The following STXBP6 variants were observed in gnomAD, a reference collection of about 807,000 sequenced individuals.
STXBP6 encodes syntaxin binding protein 6.
A neutral mutation model predicts 26.9 loss-of-function variants in STXBP6; 21 were observed. That is an observed-to-expected ratio of 0.78 (90% CI 0.55 to 1.12). The LOEUF (loss-of-function observed/expected upper bound fraction) is 1.12, where lower values mean the gene tolerates loss of function less well. STXBP6 is among the 50% of genes most tolerant of loss of function. The pLI is 0.00. For synonymous variants in STXBP6, 97 were observed against 92.6 expected (o/e 1.05, Z -0.27); for missense variants, 232 against 257.9 (o/e 0.90, Z 0.69).
intron 4 of STXBP6, among the ~76,000 whole-genome samples, chr14:24,824,480 G>A (rs2068227878): frequency 6.6e-6 from 1 of 152,178 alleles, no homozygotes. Flanking sequence ...CCTACCCGGT[G>A]ATAGAAGTTG....
chr14:24,845,063 A>G (rs1006560832), intron 4 of STXBP6, among the ~76,000 whole-genome samples: 5 of 151,794 alleles, frequency 3.3e-5, no homozygotes, highest in East Asian at 1.9e-4. Context: ...CCAGGCTGGA[A>G]TGCAGTGGCG....
chr14:24,844,970 T>C (rs903189128), intron 4 of STXBP6, among the ~76,000 whole-genome samples: 2 of 152,094 alleles, frequency 1.3e-5, no homozygotes, highest in African/African-American at 4.8e-5. Context: ...AAAAGAATGA[T>C]TTTTAACAAA....
intron 1 of STXBP6, among the ~76,000 whole-genome samples, chr14:25,016,994 T>C (rs765791193): frequency 5.9e-5 from 9 of 152,150 alleles, no homozygotes; most frequent in Non-Finnish European, 1.3e-4. Flanking sequence ...GAGTATGCAG[T>C]TAAACGCTTC....
intron 1 of STXBP6, among the ~76,000 whole-genome samples, chr14:25,035,637 A>G (rs756706531): frequency 2.6e-4 from 39 of 152,214 alleles, no homozygotes; most frequent in Non-Finnish European, 2.4e-4. Flanking sequence ...ATAAAAATGA[A>G]TATCTTACCA....
chr14:25,003,341 A>G (rs1384043478), intron 1 of STXBP6, among the ~76,000 whole-genome samples: 1 of 152,204 alleles, frequency 6.6e-6, no homozygotes, highest in East Asian at 1.9e-4. Context: ...CTTTAGGGTA[A>G]TTCTAAATCA....
At chr14:24,906,107 C>A (rs888374011) in intron 2 of STXBP6, among the ~76,000 whole-genome samples, 1 of 152,088 alleles carries the variant, frequency 6.6e-6, no homozygotes, top group Non-Finnish European at 1.5e-5. Flanking sequence ...TGTTTCCCAT[C>A]CAAATAATTA....
intron 2 of STXBP6, among the ~76,000 whole-genome samples, chr14:24,907,288 G>A (rs548280608): frequency 6.6e-6 from 1 of 152,022 alleles, no homozygotes; most frequent in East Asian, 1.9e-4. Flanking sequence ...AATCTATATA[G>A]TCATTATGTG....
rs1044634506 is a variant in STXBP6 at position 24,809,939 on chromosome 14, T to C, written c.*2770A>G. ...AGTAGTATTAAAACAGTTTTCACTG[T>C]AACTTAAGTCTAACACGTAATCTGA... On this transcript the variant is annotated 3_prime_UTR_variant, in exon 6 of 6. Transcript: ENST00000323944. 3.9e-5 allele frequency: 6 copies of C among 152,208 alleles called. No individual in the cohort carries two copies. Among genetic ancestry groups the C allele is most frequent in the Non-Finnish European group, 1.5e-5 (1 of 68,030 alleles). The allele number at this position is 152,208 out of a possible 1,614,324, so 9.4% of individuals were successfully genotyped here.
At chr14:24,862,639 GGAA>G (rs1296801526) in intron 2 of STXBP6, among the ~76,000 whole-genome samples, 2 of 152,064 alleles carry the variant, frequency 1.3e-5, no homozygotes, top group Admixed American at 6.6e-5. Context: ...CTCCAAAAGT[GGAA>G]GAAGAAGAGA....
rs558293653 is a variant in STXBP6, at chr14:24,870,808, A to C, written c.155-13651T>G. Among the ~76,000 whole-genome samples the C allele has an allele frequency of 2.0e-5, 3 of 152,286 alleles. No homozygotes were observed. The East Asian group carries it at 5.8e-4, about 29-fold the overall frequency. On this transcript the variant is annotated intron_variant, in intron 2 of 5. Coordinates refer to ENST00000323944, the MANE Select transcript of STXBP6 (RefSeq NM_001394410.1). ...ACCTGTGTGGTCCTCCATTGACCCT[A>C]GCTGAGCTCTCCATGTCCCCCTTCA... is the stretch of plus-strand genomic sequence containing the variant.
intron 1 of STXBP6, among the ~76,000 whole-genome samples, chr14:25,031,298 C>A (rs747570516): frequency 2.6e-5 from 4 of 152,132 alleles, no homozygotes; most frequent in Non-Finnish European, 5.9e-5. Context: ...TAGAAAATCA[C>A]AATGAGCTGG....
chr14:24,979,608 T>C lies in STXBP6; in HGVS notation c.-32-4758A>G, dbSNP rs74532446. ...CCTATAATGTTGATGACACTAATCA[T>C]GCATCCAACTCAGAGTGTCTTTCTG... is the stretch of plus-strand genomic sequence containing the variant. On this transcript the variant is annotated intron_variant, in intron 1 of 5. Coordinates refer to ENST00000323944, the MANE Select transcript of STXBP6 (RefSeq NM_001394410.1). Among the ~76,000 whole-genome samples the C allele has an allele frequency of 1.3e-3, 197 of 152,356 alleles. 1 individual carries two copies. The highest frequency in any genetic ancestry group is 4.5e-3 in the African/African-American group (186 of 41,592).
intron 1 of STXBP6, among the ~76,000 whole-genome samples, chr14:24,987,539 G>A (rs758241501): frequency 2.0e-5 from 3 of 152,246 alleles, no homozygotes; most frequent in Non-Finnish European, 4.4e-5. Context: ...ATTTGCAAAA[G>A]CATGTTCATC....
intron 1 of STXBP6, among the ~76,000 whole-genome samples, chr14:25,040,804 A>C (rs2140503882): frequency 6.6e-6 from 1 of 152,316 alleles, no homozygotes; most frequent in Non-Finnish European, 1.5e-5. Flanking sequence ...CCAGTGGGGA[A>C]TGAAAGCAAA....
chr14:25,008,383 C>G (rs900702458), intron 1 of STXBP6, among the ~76,000 whole-genome samples: 24 of 152,142 alleles, frequency 1.6e-4, no homozygotes, highest in Admixed American at 8.5e-4. Context: ...GTGGTCCCAG[C>G]TGAAGTGGGA....
intron 1 of STXBP6, among the ~76,000 whole-genome samples, chr14:25,024,741 T>C (rs1285616898): frequency 2.6e-5 from 4 of 152,038 alleles, no homozygotes; most frequent in Non-Finnish European, 5.9e-5. Context: ...AAAATAATAA[T>C]AATAAAAAAA....
Position 25,049,645 on chromosome 14 carries a change from G to C in STXBP6, c.-33+233C>G. ...GGGTCCCAGGGTTGGAGAGAACCAG[G>C]GACACGAGTCCCTCTCTGCGCGCAC... On this transcript the variant is annotated intron_variant, in intron 1 of 5. Transcript: ENST00000323944. This position sits in a 1 kb window ranked among gnomAD's most constrained non-coding sequence, Gnocchi z 5.6. The C allele has an allele frequency of 1.0e-6, 1 of 985,516 alleles. No homozygotes were observed. The highest frequency in any genetic ancestry group is 1.2e-6 in the Non-Finnish European group (1 of 830,022). 61.0% of individuals were successfully genotyped at this position (985,516 alleles called of 1,614,324 possible). A position where few individuals can be genotyped will look rare whatever the true frequency, so the allele number is the denominator to read the frequency against.
intron 1 of STXBP6, among the ~76,000 whole-genome samples, chr14:25,039,011 T>C (rs114948449): frequency 0.05 from 7,664 of 152,188 alleles, 485 homozygotes; most frequent in African/African-American, 0.15. Flanking sequence ...GAGTAGATTT[T>C]AAATGTTCTC....
At chr14:24,990,262 C>T (rs2074431640) in intron 1 of STXBP6, among the ~76,000 whole-genome samples, 1 of 152,152 alleles carries the variant, frequency 6.6e-6, no homozygotes, top group African/African-American at 2.4e-5. Context: ...ATCTTATGCA[C>T]CACATGGGTA....
Sources: gnomAD v4.1 joint callset for allele counts (sites outside exome capture counted in the v4.1 genomes callset) on GRCh38, gnomAD v4.1.1 for gene constraint, Gnocchi (gnomAD v3.1) non-coding constraint, MANE v1.5 for transcripts, NCBI Gene and HGNC (gene_info 2026-07-23, HGNC 2026-07-21) for gene names.